The following CEP43 variants were observed in gnomAD, a reference collection of about 807,000 sequenced individuals.
CEP43 encodes centrosomal protein 43.
In CEP43, 36 loss-of-function variants were observed where a neutral mutation model predicts 52.6. That is an observed-to-expected ratio of 0.68 (90% CI 0.52 to 0.90). The LOEUF (loss-of-function observed/expected upper bound fraction) is 0.90. Ranked by LOEUF, CEP43 falls within the 40% of genes least tolerant of loss-of-function variation. The probability of loss-of-function intolerance (pLI) is 0.00; values close to 1 mark genes in which losing one functional copy is unlikely to be tolerated. For synonymous variants in CEP43, 192 were observed against 172.4 expected, an observed-to-expected ratio of 1.11 and a Z score of -0.89; for missense variants, 506 against 472.8, an observed-to-expected ratio of 1.07 and a Z score of -0.65.
In CEP43 at chr6:167,052,488, C is replaced by T. The variant is rs1162854225; in HGVS notation, c.*12510C>T. On this transcript the variant is annotated 3_prime_UTR_variant, in exon 13 of 13. Transcript: ENST00000366847. ...TTGGAAGATGAAATCCCCCTCTTCC[C>T]TGCATCTTATTAGAACAGTGTATCC... 6.6e-6 allele frequency: 1 copy of T among 152,162 alleles called. No individual in the cohort carries two copies. The highest frequency in any genetic ancestry group is 1.9e-4 in the East Asian group (1 of 5,200). The allele number at this position is 152,162 out of a possible 1,614,324, so 9.4% of individuals were successfully genotyped here. A position where few individuals can be genotyped will look rare whatever the true frequency, so the allele number is the denominator to read the frequency against.
At chr6:167,026,442 C>A in intron 9 of CEP43, 105 bp from the exon 10 acceptor site, 3 of 723,690 alleles carry the variant, frequency 4.1e-6, no homozygotes, top group East Asian at 2.6e-5. Context: ...TTATTATGCT[C>A]CTGTCATAAA....
intron 8 of CEP43, among the ~76,000 whole-genome samples, chr6:167,024,519 G>T (rs1330809834): frequency 6.6e-6 from 1 of 152,160 alleles, no homozygotes; most frequent in African/African-American, 2.4e-5. Flanking sequence ...TCACAGTGAA[G>T]AGGTCAATTT....
At position 167,036,821 on chromosome 6, in the gene CEP43, T is replaced by A. The variant is rs1780594460; in HGVS notation, c.1125+2850T>A. The A allele has an allele frequency of 3.1e-6, 3 of 963,736 alleles. No homozygotes were observed. The Admixed American group carries it at 1.8e-4, about 59-fold the overall frequency. 59.7% of individuals were successfully genotyped at this position (963,736 alleles called of 1,614,324 possible). On this transcript the variant is annotated intron_variant, in intron 12 of 12. Coordinates refer to ENST00000366847, the MANE Select transcript of CEP43 (RefSeq NM_007045.4). ...AGTTTTGTTTTTGTTTTTGTTTTTG[T>A]TTTTGAGACAGAGTCTCACTCTGTT... is the stretch of plus-strand genomic sequence containing the variant.
chr6:167,036,469 C>G lies in CEP43; in HGVS notation c.1125+2498C>G, dbSNP rs868788148. The G allele has an allele frequency of 4.7e-5, 46 of 985,266 alleles. No homozygotes were observed. The Middle Eastern group carries it at 3.1e-3, about 66-fold the overall frequency. 61.0% of individuals were successfully genotyped at this position (985,266 alleles called of 1,614,324 possible). On this transcript the variant is annotated intron_variant, in intron 12 of 12. Transcript: ENST00000366847. The stretch of plus-strand genomic sequence containing the variant: ...GCACGGGAGCCAGCACGAGCAAAGA[C>G]ATAGGTAGATGTTGGAGGAAGAGGG...
At chr6:167,019,078 C>T (rs1044602200) in intron 7 of CEP43, among the ~76,000 whole-genome samples, 3 of 152,194 alleles carry the variant, frequency 2.0e-5, no homozygotes, top group South Asian at 4.1e-4. Context: ...CACATGGTCA[C>T]GAGGCACTCT....
At chr6:167,006,521 A>G (rs1191222826) in intron 5 of CEP43, among the ~76,000 whole-genome samples, 2 of 152,364 alleles carry the variant, frequency 1.3e-5, no homozygotes, top group East Asian at 3.9e-4. Flanking sequence ...AAAAAAAAGA[A>G]AAAAAGAAAA....
intron 12 of CEP43, chr6:167,036,729 T>G: frequency 1.0e-6 from 1 of 984,360 alleles, no homozygotes; most frequent in Non-Finnish European, 1.2e-6. Flanking sequence ...TTTTTATAGT[T>G]TTGAACTAAG....
intron 2 of CEP43, among the ~76,000 whole-genome samples, chr6:167,001,222 TAGA>T (rs1779728775): frequency 1.3e-5 from 2 of 152,370 alleles, no homozygotes; most frequent in Admixed American, 1.3e-4. Flanking sequence ...CTTACTGCTT[TAGA>T]AGAAGAGGCT....
chr6:167,039,434 G>A (rs1026011877), intron 12 of CEP43, among the ~76,000 whole-genome samples: 7 of 152,188 alleles, frequency 4.6e-5, no homozygotes, highest in Non-Finnish European at 1.0e-4. Flanking sequence ...TGGCCTATTT[G>A]TTCCTTTTTA....
chr6:166,999,550 C>G (rs1318334634), intron 1 of CEP43, 36 bp downstream of exon 1: 7 of 1,342,796 alleles, frequency 5.2e-6, no homozygotes, highest in Non-Finnish European at 6.8e-6. Context: ...CTGGCGGATC[C>G]GCAGGGCTTG....
chr6:167,032,207 G>GT (rs1780484629), intron 10 of CEP43, among the ~76,000 whole-genome samples: 1 of 152,194 alleles, frequency 6.6e-6, no homozygotes, highest in Admixed American at 6.5e-5. Flanking sequence ...CCTCATGAGT[G>GT]TTTTTTAACT....
intron 7 of CEP43, among the ~76,000 whole-genome samples, chr6:167,018,651 A>G (rs1321990903): frequency 1.3e-5 from 2 of 152,104 alleles, no homozygotes; most frequent in Non-Finnish European, 2.9e-5. Context: ...CGGCCTCCCA[A>G]AGTGCTGGGA....
In CEP43 at chr6:167,041,043, G is replaced by A. The variant is rs1780684307; in HGVS notation, c.*1065G>A. 1 of 1,030,662 alleles carries A rather than the reference G, an allele frequency of 9.7e-7. No homozygotes were observed. The highest frequency in any genetic ancestry group is 6.2e-5 in the East Asian group (1 of 16,212). The allele number at this position is 1,030,662 out of a possible 1,614,324, so 63.8% of individuals were successfully genotyped here. A position where few individuals can be genotyped will look rare whatever the true frequency, so the allele number is the denominator to read the frequency against. ...GAAAAAACAGTAGAAAGTGATGCAT[G>A]CATATTTATATATAAGTAAAGCAGG... On this transcript the variant is annotated 3_prime_UTR_variant, in exon 13 of 13. Coordinates refer to ENST00000366847, the MANE Select transcript of CEP43 (RefSeq NM_007045.4).
intron 1 of CEP43, 107 bp downstream of exon 1, chr6:166,999,621 G>A (rs1779677978): frequency 5.0e-6 from 4 of 805,438 alleles, no homozygotes; most frequent in South Asian, 5.7e-5. Context: ...CGAGGGACCG[G>A]GGCCGGCGGG....
chr6:167,014,769 A>G (rs547506451), intron 7 of CEP43, among the ~76,000 whole-genome samples: 1 of 152,338 alleles, frequency 6.6e-6, no homozygotes, highest in South Asian at 2.1e-4. Flanking sequence ...TAACATTTAC[A>G]TAGTGAAAGT....
chr6:167,028,481 T>C (rs2128665903), intron 10 of CEP43: 1 of 985,332 alleles, frequency 1.0e-6, no homozygotes, highest in South Asian at 4.7e-5. Flanking sequence ...TCAGTAGAAA[T>C]AAAGTTTTAT....
In CEP43 at chr6:167,010,827, A is replaced by C. The variant is rs141446033; in HGVS notation, c.453A>C (p.Leu151=). The change falls in exon 6 of 13, where the codon CTA becomes CTC. Residue 151 remains leucine (L), a synonymous_variant. Transcript: ENST00000366847. The part of the protein sequence containing the change: ...GPTTGEGALD[L]SDVHSPPKSP... ...AAATATTTTAGGGTGCACTTGATCT[A>C]TCTGATGTACATTCTCCACCAAAGT... 2 of 1,576,748 alleles carry C rather than the reference A, an allele frequency of 1.3e-6. No homozygotes were observed. Among genetic ancestry groups the C allele is most frequent in the Non-Finnish European group, 8.6e-7 (1 of 1,161,030 alleles).
chr6:167,045,366 C>CA lies in CEP43; in HGVS notation c.*5388_*5389insA, dbSNP rs1451791038. On this transcript the variant is annotated 3_prime_UTR_variant, in exon 13 of 13. Transcript: ENST00000366847. ...TGATCCGCACCCCTCCCCGCCCCCC[C>CA]CGCGGCCCAGCCTCCCAAAGTGCTG... The CA allele has an allele frequency of 6.6e-6, 1 of 151,398 alleles. No homozygotes were observed. The highest frequency in any genetic ancestry group is 1.5e-5 in the Non-Finnish European group (1 of 67,846). The allele number at this position is 151,398 out of a possible 1,614,324, so 9.4% of individuals were successfully genotyped here.
intron 7 of CEP43, 105 bp downstream of exon 7, chr6:167,013,672 T>C: frequency 2.3e-6 from 2 of 886,776 alleles, no homozygotes; most frequent in South Asian, 1.5e-5. Context: ...TTCTCAGTTT[T>C]CTTATGAAAT....
Sources: gnomAD v4.1 joint callset for allele counts (sites outside exome capture counted in the v4.1 genomes callset) on GRCh38, gnomAD v4.1.1 for gene constraint, MANE v1.5 for transcripts, NCBI Gene and HGNC (gene_info 2026-07-23, HGNC 2026-07-21) for gene names.